The following TLK1 variants were observed in gnomAD, a reference collection of about 807,000 sequenced individuals.
TLK1 encodes serine/threonine-protein kinase tousled-like 1.
In TLK1, 24 loss-of-function variants were observed where a neutral mutation model predicts 105.3. The observed-to-expected ratio is 0.23, with a 90% confidence interval of 0.17 to 0.32. TLK1 has a LOEUF of 0.32. TLK1 is among the 10% of genes least tolerant of loss of function. The pLI is 1.00. For synonymous variants in TLK1, 321 were observed against 310.4 expected, an observed-to-expected ratio of 1.03 and a Z score of -0.36; for missense variants, 558 against 910.5, an observed-to-expected ratio of 0.61 and a Z score of 4.98.
intron 3 of TLK1, among the ~76,000 whole-genome samples, chr2:171,074,550 C>T (rs374841341): frequency 1.3e-5 from 2 of 151,108 alleles, no homozygotes; most frequent in African/African-American, 4.9e-5. Flanking sequence ...ATTGCTGAGC[C>T]CAGAAGGCAG....
chr2:171,088,336 C>A (rs184665294), intron 2 of TLK1, among the ~76,000 whole-genome samples: 152 of 141,710 alleles, frequency 1.1e-3, no homozygotes, highest in African/African-American at 3.6e-3. Flanking sequence ...TCAAAAACAC[C>A]CCAAAAAACA....
At chr2:171,191,328 AGAGGCCAAGGTGGAAGTTTCACTT>A (rs1413346042) in intron 1 of TLK1, among the ~76,000 whole-genome samples, 1 of 152,060 alleles carries the variant, frequency 6.6e-6, no homozygotes, top group Non-Finnish European at 1.5e-5. Flanking sequence ...CAACACTTTG[AGAGGCCAAGGTGGAAGTTTCACTT>A]GAGGCCAAGA....
intron 18 of TLK1, among the ~76,000 whole-genome samples, chr2:170,999,024 G>A (rs1040699963): frequency 3.9e-5 from 6 of 152,074 alleles, no homozygotes; most frequent in African/African-American, 7.2e-5. Context: ...CCTTGGCCTC[G>A]CAAAGTGCTA....
At chr2:171,086,162 CAAT>C (rs1181486062) in intron 2 of TLK1, among the ~76,000 whole-genome samples, 5 of 151,828 alleles carry the variant, frequency 3.3e-5, no homozygotes, top group Admixed American at 3.3e-4. Context: ...TTAAAACAAA[CAAT>C]AAAAATATAA....
chr2:171,029,052 G>T (rs1300515455), intron 11 of TLK1, among the ~76,000 whole-genome samples: 1 of 152,086 alleles, frequency 6.6e-6, no homozygotes, highest in Non-Finnish European at 1.5e-5. Flanking sequence ...AATAGTCTTG[G>T]CATATAAATA....
At chr2:171,079,822 T>C (rs1226702798) in intron 3 of TLK1, among the ~76,000 whole-genome samples, 1 of 152,142 alleles carries the variant, frequency 6.6e-6, no homozygotes, top group African/African-American at 2.4e-5. Context: ...ATTCTGGATG[T>C]CTGAAAAAGA....
chr2:171,131,112 TATAG>T (rs1691091010), intron 1 of TLK1, among the ~76,000 whole-genome samples: 1 of 150,698 alleles, frequency 6.6e-6, no homozygotes. Context: ...TATATCTATA[TATAG>T]AGAGAGATAC....
At chr2:171,223,602 C>T (rs780217858) in intron 1 of TLK1, among the ~76,000 whole-genome samples, 1 of 151,352 alleles carries the variant, frequency 6.6e-6, no homozygotes, top group Non-Finnish European at 1.5e-5. Context: ...GCCTCAGCCT[C>T]CTGAGTAGCT....
intron 11 of TLK1, among the ~76,000 whole-genome samples, chr2:171,037,025 A>C (rs1041067446): frequency 6.6e-6 from 1 of 152,224 alleles, no homozygotes; most frequent in African/African-American, 2.4e-5. Flanking sequence ...ATGAATACAC[A>C]GAGCAAAGAA....
chr2:171,159,942 G>C (rs558039057), intron 1 of TLK1: 5 of 215,508 alleles, frequency 2.3e-5, no homozygotes, highest in African/African-American at 1.2e-4. Flanking sequence ...TAAGAGTACT[G>C]AGTGTACTGG....
At chr2:171,084,357 G>A (rs1280755848) in intron 2 of TLK1, among the ~76,000 whole-genome samples, 2 of 152,118 alleles carry the variant, frequency 1.3e-5, no homozygotes, top group African/African-American at 4.8e-5. Flanking sequence ...TTACATAACA[G>A]GGTGGTACAA....
chr2:171,142,634 AC>A (rs1221533884), intron 1 of TLK1, among the ~76,000 whole-genome samples: 1 of 152,230 alleles, frequency 6.6e-6, no homozygotes, highest in African/African-American at 2.4e-5. Flanking sequence ...ACAAAAACTG[AC>A]AAATTAAACA....
chr2:171,007,098 G>A, intron 14 of TLK1, 35 bp from the exon 15 acceptor site: 1 of 1,542,962 alleles, frequency 6.5e-7, no homozygotes, highest in Non-Finnish European at 8.8e-7. Flanking sequence ...TAAGATGAAA[G>A]ACCAATTGAA....
At chr2:171,013,318 CTTTTTTTTTTTTTT>C (rs774923512) in intron 13 of TLK1, among the ~76,000 whole-genome samples, 8 of 74,152 alleles carry the variant, frequency 1.1e-4, no homozygotes, top group African/African-American at 2.7e-4. Flanking sequence ...TGGCCCCTCA[CTTTTTTTTTTTTTT>C]TTTTTTTTTT....
At chr2:171,120,706 G>A (rs1000543259) in intron 1 of TLK1, among the ~76,000 whole-genome samples, 27 of 152,212 alleles carry the variant, frequency 1.8e-4, no homozygotes, top group African/African-American at 6.5e-4. Flanking sequence ...AACATAAAAT[G>A]GTGCGGCCAC....
At chr2:171,095,712 A>T (rs1212378937) in intron 2 of TLK1, among the ~76,000 whole-genome samples, 1 of 152,230 alleles carries the variant, frequency 6.6e-6, no homozygotes, top group Non-Finnish European at 1.5e-5. Context: ...ACACCACATT[A>T]ACAGAATGAA....
upstream of TLK1, among the ~76,000 whole-genome samples, chr2:171,163,983 C>T (rs990847623): frequency 6.6e-5 from 10 of 152,208 alleles, no homozygotes; most frequent in African/African-American, 2.4e-4. Flanking sequence ...GCCTTGGCCT[C>T]TTAAAGTGCT....
intron 12 of TLK1, among the ~76,000 whole-genome samples, chr2:171,026,305 G>A (rs948260672): frequency 2.6e-5 from 4 of 152,104 alleles, no homozygotes; most frequent in African/African-American, 9.7e-5. Flanking sequence ...TGGACACTAA[G>A]TATACCTTAC....
At chr2:171,014,763 C>T (rs6718823) in intron 13 of TLK1, 88 bp downstream of exon 13, 9 of 1,025,282 alleles carry the variant, frequency 8.8e-6, no homozygotes, top group South Asian at 1.4e-5. Context: ...GATGAGACAA[C>T]CCAAGAAGGA....
Sources: gnomAD v4.1 joint callset for allele counts (sites outside exome capture counted in the v4.1 genomes callset) on GRCh38, gnomAD v4.1.1 for gene constraint, MANE v1.5 for transcripts, NCBI Gene and HGNC (gene_info 2026-07-23, HGNC 2026-07-21) for gene names.